The following KCNH7 variants were observed in gnomAD, a reference collection of about 807,000 sequenced individuals.
The protein encoded by KCNH7 is voltage-gated inwardly rectifying potassium channel KCNH7.
A neutral mutation model predicts 120.8 loss-of-function variants in KCNH7; 49 were observed. The ratio of observed to expected loss-of-function variants is 0.41; its 90% confidence interval spans 0.32 to 0.51. KCNH7 has a LOEUF of 0.51. Among genes scored for constraint, KCNH7 ranks in the 20% least tolerant of loss-of-function variants. The pLI, the probability that KCNH7 is intolerant of heterozygous loss-of-function variation, is 0.38. For synonymous variants in KCNH7, 547 were observed against 516.1 expected (o/e 1.06, Z -0.81); for missense variants, 1,097 against 1,446.6 (o/e 0.76, Z 3.92).
intron 2 of KCNH7, among the ~76,000 whole-genome samples, chr2:162,572,189 C>G (rs1253416722): frequency 6.6e-6 from 1 of 151,884 alleles, no homozygotes; most frequent in Non-Finnish European, 1.5e-5. Context: ...TGAGCTCCAA[C>G]AAATTTACAA....
intron 2 of KCNH7, among the ~76,000 whole-genome samples, chr2:162,813,540 G>T (rs1684808817): frequency 6.6e-6 from 1 of 152,104 alleles, no homozygotes; most frequent in Non-Finnish European, 1.5e-5. Flanking sequence ...CCCAATTATT[G>T]CTGGGGAAAC....
chr2:162,599,989 C>T (rs1019737116), intron 2 of KCNH7, among the ~76,000 whole-genome samples: 1 of 152,020 alleles, frequency 6.6e-6, no homozygotes, highest in African/African-American at 2.4e-5. Flanking sequence ...TTGTAGGGAA[C>T]TCAATTTCAT....
At chr2:162,673,722 G>A (rs991626378) in intron 2 of KCNH7, among the ~76,000 whole-genome samples, 1 of 151,988 alleles carries the variant, frequency 6.6e-6, no homozygotes, top group Non-Finnish European at 1.5e-5. Context: ...GAATAAATGA[G>A]TGTTTTTGTT....
intron 2 of KCNH7, among the ~76,000 whole-genome samples, chr2:162,570,344 G>T (rs1177517794): frequency 1.3e-5 from 2 of 151,754 alleles, no homozygotes; most frequent in Non-Finnish European, 1.5e-5. Flanking sequence ...CAGAGACTAG[G>T]ATTGCAACCC....
intron 2 of KCNH7, among the ~76,000 whole-genome samples, chr2:162,697,539 G>A (rs1370515334): frequency 2.0e-5 from 3 of 152,000 alleles, no homozygotes; most frequent in African/African-American, 7.2e-5. Context: ...TTAAAGTCAG[G>A]GTAATTGTTA....
intron 2 of KCNH7, among the ~76,000 whole-genome samples, chr2:162,778,636 C>A (rs1241583554): frequency 7.3e-6 from 1 of 137,920 alleles, no homozygotes; most frequent in African/African-American, 3.1e-5. Flanking sequence ...TCACTATATG[C>A]AATAAATATC....
intron 2 of KCNH7, among the ~76,000 whole-genome samples, chr2:162,769,541 T>C (rs2105468712): frequency 6.6e-6 from 1 of 152,168 alleles, no homozygotes; most frequent in Middle Eastern, 3.4e-3. Context: ...TAGACTATAC[T>C]AAGGAAAGGC....
At chr2:162,519,900 A>G (rs1157921978) in intron 3 of KCNH7, among the ~76,000 whole-genome samples, 2 of 151,780 alleles carry the variant, frequency 1.3e-5, no homozygotes, top group Non-Finnish European at 2.9e-5. Context: ...TAAAACATGG[A>G]AGAACACTCT....
intron 13 of KCNH7, among the ~76,000 whole-genome samples, chr2:162,381,214 G>C (rs1186917825): frequency 1.3e-5 from 2 of 152,030 alleles, no homozygotes; most frequent in African/African-American, 4.8e-5. Flanking sequence ...TGGTTTGATA[G>C]AAAGACTTAA....
chr2:162,793,710 G>C (rs1414949923), intron 2 of KCNH7, among the ~76,000 whole-genome samples: 1 of 151,976 alleles, frequency 6.6e-6, no homozygotes, highest in Non-Finnish European at 1.5e-5. Context: ...TAGAATAGTG[G>C]TTGCCAGGGA....
At chr2:162,717,486 C>T (rs1478551731) in intron 2 of KCNH7, among the ~76,000 whole-genome samples, 2 of 152,128 alleles carry the variant, frequency 1.3e-5, no homozygotes, top group Non-Finnish European at 2.9e-5. Flanking sequence ...GCTCTTCAGC[C>T]TCAATTTGCA....
chr2:162,423,478 G>A lies in KCNH7; in HGVS notation c.2012C>T (p.Ser671Leu), dbSNP rs1192751100. The A allele has an allele frequency of 1.9e-6, 3 of 1,614,032 alleles. No individual in the cohort carries two copies. The highest frequency in any genetic ancestry group is 2.5e-6 in the Non-Finnish European group (3 of 1,179,902). The change falls in exon 9 of 16, where the codon TCG becomes TTG. Residue 671 changes from serine to leucine, a missense_variant. Around this residue, in one of 8 missense-constraint regions of KCNH7, gnomAD observed 24 missense variants for 105.8 expected, o/e 0.23. Transcript: ENST00000332142. ...CTGCATGTGGTACCTGGCAGTTCCC[G>A]AGTATAGTCTTTGGATAATTGCAGA... ...NVSAIIQRLY[S>L]GTARYHMQML...
At chr2:162,559,698 A>T (rs1000404513) in intron 2 of KCNH7, among the ~76,000 whole-genome samples, 3 of 152,218 alleles carry the variant, frequency 2.0e-5, no homozygotes, top group Non-Finnish European at 1.5e-5. Flanking sequence ...ACAAGAAAAG[A>T]GCTGAGACCA....
intron 1 of KCNH7, 121 bp from the exon 2 acceptor site, chr2:162,836,888 C>A (rs971074485): frequency 1.7e-6 from 1 of 604,398 alleles, no homozygotes; most frequent in Non-Finnish European, 2.9e-6. Flanking sequence ...AATTACTAAT[C>A]TCTCCAGCCC....
intron 2 of KCNH7, among the ~76,000 whole-genome samples, chr2:162,675,082 G>A (rs982086914): frequency 2.6e-5 from 4 of 151,322 alleles, no homozygotes; most frequent in African/African-American, 9.7e-5. Flanking sequence ...ACAATAAACA[G>A]CCTAATAAAA....
intron 3 of KCNH7, among the ~76,000 whole-genome samples, chr2:162,528,705 C>G (rs569758091): frequency 7.7e-4 from 117 of 151,974 alleles, no homozygotes; most frequent in African/African-American, 2.7e-3. Flanking sequence ...AAGATATAGA[C>G]AGTGGACTAT....
At chr2:162,756,643 T>G (rs1688799471) in intron 2 of KCNH7, among the ~76,000 whole-genome samples, 1 of 152,098 alleles carries the variant, frequency 6.6e-6, no homozygotes, top group Non-Finnish European at 1.5e-5. Flanking sequence ...TTTTGTTTAT[T>G]TTTTAGAAAG....
chr2:162,491,937 G>A (rs1316204437), intron 6 of KCNH7, among the ~76,000 whole-genome samples: 1 of 152,048 alleles, frequency 6.6e-6, no homozygotes, highest in Admixed American at 6.5e-5. Context: ...GGGTAATTGT[G>A]TCCTGTACTA....
chr2:162,447,887 A>C (rs1474944924), intron 6 of KCNH7, among the ~76,000 whole-genome samples: 1 of 152,128 alleles, frequency 6.6e-6, no homozygotes, highest in Non-Finnish European at 1.5e-5. Flanking sequence ...AATATAACAA[A>C]AGATTCAGCT....
Sources: allele counts gnomAD v4.1 joint callset (sites outside exome capture counted in the v4.1 genomes callset), GRCh38; gene constraint gnomAD v4.1.1; regional missense constraint gnomAD v4.1.1; transcripts MANE v1.5; gene names NCBI Gene and HGNC (gene_info 2026-07-23, HGNC 2026-07-21).